Variants in DDX46 observed in about 807,000 individuals in gnomAD.
DDX46 encodes the protein probable ATP-dependent RNA helicase DDX46.
A neutral mutation model predicts 134.9 loss-of-function variants in DDX46; 30 were observed. The ratio of observed to expected loss-of-function variants is 0.22; its 90% CI spans 0.17 to 0.30. The LOEUF (loss-of-function observed/expected upper bound fraction) is 0.30, where lower values mean the gene tolerates loss of function less well. Among genes scored for constraint, DDX46 ranks in the 10% least tolerant of loss-of-function variants. The pLI, the probability that DDX46 is intolerant of heterozygous loss-of-function variation, is 1.00. For synonymous variants in DDX46, 415 were observed against 404.1 expected (o/e 1.03, Z -0.32); for missense variants, 622 against 1,248.7 (o/e 0.50, Z 7.56).
At chr5:134,808,020 T>C in intron 16 of DDX46, 79 bp downstream of exon 16, 1 of 1,304,488 alleles carries the variant, frequency 7.7e-7, no homozygotes. Context: ...GAGTAGATAA[T>C]AGGAGTTATG....
At chr5:134,781,460 C>G (rs1561858484) in intron 7 of DDX46, among the ~76,000 whole-genome samples, 1 of 151,990 alleles carries the variant, frequency 6.6e-6, no homozygotes, top group Non-Finnish European at 1.5e-5. Context: ...TATGATCTTT[C>G]TGCCCCTCAT....
intron 21 of DDX46, among the ~76,000 whole-genome samples, chr5:134,824,350 T>C (rs11955140): frequency 0.11 from 16,812 of 152,240 alleles, 1,230 homozygotes; most frequent in East Asian, 0.29. Flanking sequence ...CCCAGCACTT[T>C]GGGAGGCCGA....
At chr5:134,770,876 C>G in intron 3 of DDX46, 27 bp from the exon 4 acceptor site, 1 of 1,533,568 alleles carries the variant, frequency 6.5e-7, no homozygotes, top group Non-Finnish European at 8.8e-7. Context: ...AATGACATTT[C>G]TCTTGTCTCT....
chr5:134,779,137 TC>T (rs1302787881), intron 6 of DDX46, among the ~76,000 whole-genome samples: 1 of 152,110 alleles, frequency 6.6e-6, no homozygotes, highest in African/African-American at 2.4e-5. Context: ...CCTCAGGTGA[TC>T]CACCTGCCTT....
chr5:134,790,473 G>T lies in DDX46; in HGVS notation c.1547G>T (p.Arg516Leu). 6.2e-7 allele frequency: 1 copy of T among 1,607,138 alleles called. No individual in the cohort carries two copies. The highest frequency in any genetic ancestry group is 8.5e-7 in the Non-Finnish European group (1 of 1,177,668). The change falls in exon 13 of 23, where the codon CGG (arginine) becomes CTG (leucine). Residue 516 changes from arginine to leucine, a missense_variant. Transcript: ENST00000452510. ...MIDMLAANSG[R>L]VTNLRRVTYV... ...TTTATTTTTCTTTTCATCTTAGGTCGGGTCACAAATCTTCGAAGAGTGACA... is the reference window on the plus strand; with the variant it reads ...TTTATTTTTCTTTTCATCTTAGGTCTGGTCACAAATCTTCGAAGAGTGACA...
In DDX46 at chr5:134,819,022, T is replaced by G. The variant is rs1364323349; in HGVS notation, c.2977+18T>G. 1 of 1,609,874 alleles carries G rather than the reference T, an allele frequency of 6.2e-7. No individual in the cohort carries two copies. Among genetic ancestry groups the G allele is most frequent in the South Asian group, 1.1e-5 (1 of 90,326 alleles). ...AATTGAAAGTATGTACTGTTAGTTC[T>G]GTTTCAATCTTGAATTTAGATCAAG... On this transcript the variant is annotated intron_variant, in intron 21 of 22. Transcript: ENST00000452510.
chr5:134,782,069 C>T lies in DDX46; in HGVS notation c.1028C>T (p.Ala343Val), dbSNP rs1299677454. ...TTCTATGTTGAAGTTCCAGAACTAG[C>T]AAAAATGTCTCAAGAAGGTAAAATT... ...KNFYVEVPEL[A>V]KMSQEEVNVF... Residue 343 changes from alanine (A) to valine (V), a missense_variant, in exon 8 of 23, where the codon GCA (alanine) becomes GTA (valine). Physicochemically the swap from Ala to Val is moderately conservative, Grantham distance 64. Coordinates refer to ENST00000452510, the MANE Select transcript of DDX46 (RefSeq NM_001300860.2). 2 of 1,585,668 alleles carry T rather than the reference C, an allele frequency of 1.3e-6. No individual in the cohort carries two copies. Among genetic ancestry groups the T allele is most frequent in the African/African-American group, 2.8e-5 (2 of 72,644 alleles).
intron 15 of DDX46, among the ~76,000 whole-genome samples, chr5:134,807,072 G>C (rs370604013): frequency 7.1e-6 from 1 of 141,242 alleles, no homozygotes; most frequent in Non-Finnish European, 1.5e-5. Context: ...TTTTTTCCCC[G>C]AGACAGAGTC....
rs1484037409 is a variant in DDX46, at chr5:134,781,990, C to G, written c.949C>G (p.Leu317Val). The G allele has an allele frequency of 6.2e-7, 1 of 1,610,646 alleles. No homozygotes were observed. The highest frequency in any genetic ancestry group is 1.3e-5 in the African/African-American group (1 of 74,722). ...AGGGTATCAAACAAAACAGCGAAAG[C>G]TTCTAGAACCAGTTGATCATGGAAA... ...LTGYQTKQRK[L>V]LEPVDHGKIE... is the part of the protein sequence containing the mutation. Residue 317 changes from leucine (L) to valine (V), a missense_variant, in exon 8 of 23, where the codon CTT (leucine) becomes GTT (valine). By Grantham distance (32) the Leu-to-Val change is conservative. This residue lies in a region of DDX46 where 63 missense variants were observed against 84.0 expected (regional missense o/e 0.75). Transcript: ENST00000452510.
rs1754269679 is a variant in DDX46 at position 134,784,470 on chromosome 5, T to C, written c.1271T>C (p.Ile424Thr). Residue 424 changes from isoleucine (I) to threonine (T), a missense_variant, in exon 10 of 23, where the codon ATT becomes ACT. By Grantham distance (89) the Ile-to-Thr change is moderately conservative. Coordinates refer to ENST00000452510, the MANE Select transcript of DDX46 (RefSeq NM_001300860.2). ...GIAKTGSGKT[I>T]AFLLPMFRHI... Reference sequence around the variant, plus strand: ...GCCAAAACAGGAAGTGGAAAGACCATTGCTTTTCTGTTGCCCATGTTTAGA... The same window carrying C: ...GCCAAAACAGGAAGTGGAAAGACCACTGCTTTTCTGTTGCCCATGTTTAGA... 1 of 1,614,018 alleles carries C rather than the reference T, an allele frequency of 6.2e-7. No homozygotes were observed. The highest frequency in any genetic ancestry group is 8.5e-7 in the Non-Finnish European group (1 of 1,180,002).
At chr5:134,784,602 C>T (rs1306932022) in intron 10 of DDX46, 61 bp downstream of exon 10, 1 of 1,478,480 alleles carries the variant, frequency 6.8e-7, no homozygotes, top group Non-Finnish European at 9.1e-7. Context: ...ACAGAAAGAC[C>T]TTATAGTTTA....
chr5:134,816,682 A>G (rs1755296137), intron 19 of DDX46, 76 bp downstream of exon 19: 1 of 1,379,914 alleles, frequency 7.2e-7, no homozygotes, highest in Non-Finnish European at 9.9e-7. Flanking sequence ...ATTATGTTGA[A>G]CACAAGTAAA....
At chr5:134,795,454 G>A (rs1754628002) in intron 14 of DDX46, among the ~76,000 whole-genome samples, 1 of 152,162 alleles carries the variant, frequency 6.6e-6, no homozygotes, top group African/African-American at 2.4e-5. Flanking sequence ...GAGCACATCT[G>A]TGAATAGCAC....
intron 13 of DDX46, among the ~76,000 whole-genome samples, chr5:134,793,029 C>T (rs1021512589): frequency 1.4e-4 from 22 of 151,982 alleles, no homozygotes; most frequent in Admixed American, 1.2e-3. Context: ...TGGGGGCATG[C>T]GCCTATCGTC....
chr5:134,820,571 C>T (rs1477379781), intron 21 of DDX46, among the ~76,000 whole-genome samples: 1 of 152,124 alleles, frequency 6.6e-6, no homozygotes, highest in African/African-American at 2.4e-5. Flanking sequence ...ACCATGTTGG[C>T]CAGGCTAGAC....
intron 15 of DDX46, chr5:134,797,167 CAAAAAAAAAAAA>C (rs61547263): frequency 0.021 from 489 of 22,954 alleles, 5 homozygotes; most frequent in African/African-American, 0.069. Flanking sequence ...AACTCCGTCT[CAAAAAAAAAAAA>C]AAAAAAAAAA....
chr5:134,784,556 A>T lies in DDX46; in HGVS notation c.1342+15A>T. 1 of 1,565,236 alleles carries T rather than the reference A, an allele frequency of 6.4e-7. No homozygotes were observed. The highest frequency in any genetic ancestry group is 8.6e-7 in the Non-Finnish European group (1 of 1,156,626). ...GGGGCCAATAGGTACAATTCTTTTC[A>T]TTAAACTATTTTTCAAATAACAGCT... On this transcript the variant is annotated intron_variant, in intron 10 of 22. Coordinates refer to ENST00000452510, the MANE Select transcript of DDX46 (RefSeq NM_001300860.2).
At chr5:134,798,569 A>T (rs1203673387) in intron 15 of DDX46, among the ~76,000 whole-genome samples, 1 of 152,180 alleles carries the variant, frequency 6.6e-6, no homozygotes, top group Non-Finnish European at 1.5e-5. Context: ...TATAACCTTC[A>T]CTACTGTCTA....
chr5:134,792,034 G>A (rs1447845344), intron 13 of DDX46, among the ~76,000 whole-genome samples: 1 of 152,030 alleles, frequency 6.6e-6, no homozygotes, highest in African/African-American at 2.4e-5. Context: ...AAAATTAGCT[G>A]GACATGGTGA....
Sources: allele counts gnomAD v4.1 joint callset (sites outside exome capture counted in the v4.1 genomes callset), GRCh38; gene constraint gnomAD v4.1.1; regional missense constraint gnomAD v4.1.1; transcripts MANE v1.5; gene names NCBI Gene and HGNC (gene_info 2026-07-23, HGNC 2026-07-21).